Variants in ZNF224 observed in about 807,000 individuals in gnomAD.
ZNF224 encodes the protein bone marrow zinc finger 2.
ZNF224 carries 8 observed loss-of-function variants against 10.5 expected under a neutral mutation model. That is an observed-to-expected ratio of 0.76 (90% CI 0.45 to 1.37). ZNF224 has a LOEUF of 1.37. Among genes scored for constraint, ZNF224 ranks in the 40% most tolerant of loss-of-function variants. The probability of loss-of-function intolerance (pLI) is 0.00; values close to 1 mark genes in which losing one functional copy is unlikely to be tolerated. For missense variants in ZNF224, 754 were observed against 854.0 expected (o/e 0.88, Z 1.46); for synonymous variants, 282 against 287.8 (o/e 0.98, Z 0.20).
At chr19:44,106,034 G>A in intron 5 of ZNF224, 1 of 206,846 alleles carries the variant, frequency 4.8e-6, no homozygotes, top group Middle Eastern at 2.0e-3. Context: ...AGATAGTAGT[G>A]GGATTGCTGG....
chr19:44,106,157 C>A, intron 5 of ZNF224: 1 of 529,118 alleles, frequency 1.9e-6, no homozygotes, highest in Non-Finnish European at 3.3e-6. Context: ...TTCTTCTCAC[C>A]ACACCCATGT....
At chr19:44,101,268 C>G in intron 5 of ZNF224, 43 bp downstream of exon 5, 1 of 1,581,988 alleles carries the variant, frequency 6.3e-7, no homozygotes, top group Non-Finnish European at 8.7e-7. Flanking sequence ...TCTCTTCCAC[C>G]TGTTTCACTT....
chr19:44,097,987 G>A, intron 3 of ZNF224, 99 bp downstream of exon 3: 2 of 1,324,910 alleles, frequency 1.5e-6, no homozygotes, highest in Non-Finnish European at 1.1e-6. Flanking sequence ...GAGAAAAACA[G>A]ACATTTGAGG....
At position 44,107,739 on chromosome 19, in the gene ZNF224, C is replaced by A. The variant is rs1232908163; in HGVS notation, c.1579C>A (p.Leu527Ile). Residue 527 changes from leucine to isoleucine, a missense_variant, in exon 6 of 6, where the codon CTT becomes ATT. Physicochemically the swap from Leu to Ile is conservative, Grantham distance 5 (BLOSUM62 2). Coordinates refer to ENST00000693561, the MANE Select transcript of ZNF224 (RefSeq NM_001321645.3). ...AAAGGGCTACAATAGTAAGTTTAATCTTGATATGCACCAGAAGGTCCACAC... is the reference window on the plus strand; with the variant it reads ...AAAGGGCTACAATAGTAAGTTTAATATTGATATGCACCAGAAGGTCCACAC... Reference protein sequence around the residue: ...CGKGYNSKFNLDMHQKVHTGE... With the variant: ...CGKGYNSKFNIDMHQKVHTGE... 6.2e-7 allele frequency: 1 copy of A among 1,613,744 alleles called. No homozygotes were observed. The highest frequency in any genetic ancestry group is 1.3e-5 in the African/African-American group (1 of 74,822).
rs146839614 is a variant in ZNF224, at chr19:44,107,060, A to G, written c.900A>G (p.Arg300=). ...TATGTGGTAAGAGCTTCTGTGGTAGATCAAGACTTAATAGGCATTCCATGG... is the reference window on the plus strand; with the variant it reads ...TATGTGGTAAGAGCTTCTGTGGTAGGTCAAGACTTAATAGGCATTCCATGG... The part of the protein sequence containing the change: ...CDICGKSFCG[R]SRLNRHSMVH... The change falls in exon 6 of 6, where the codon AGA becomes AGG. Residue 300 remains arginine (R), a synonymous_variant. Coordinates refer to ENST00000693561, the MANE Select transcript of ZNF224 (RefSeq NM_001321645.3). The G allele has an allele frequency of 1.7e-4, 273 of 1,601,770 alleles. 2 individuals carry two copies. In the African/African-American group the frequency reaches 3.3e-3, roughly 20 times the overall value.
At chr19:44,099,714 A>G (rs909664931) in intron 3 of ZNF224, among the ~76,000 whole-genome samples, 1 of 152,066 alleles carries the variant, frequency 6.6e-6, no homozygotes, top group African/African-American at 2.4e-5. Flanking sequence ...GAAAAAAACA[A>G]TTTCTTCCTA....
intron 3 of ZNF224, among the ~76,000 whole-genome samples, chr19:44,098,207 T>C (rs1967479687): frequency 6.6e-6 from 1 of 152,244 alleles, no homozygotes. Flanking sequence ...GTATTTGTAT[T>C]GGTGATGTTA....
intron 5 of ZNF224, 56 bp from the exon 6 acceptor site, chr19:44,106,340 A>C: frequency 6.3e-7 from 1 of 1,580,580 alleles, no homozygotes; most frequent in South Asian, 1.1e-5. Flanking sequence ...TGAAATCTTG[A>C]TAACACTGAA....
chr19:44,108,784 CAT>C lies in ZNF224; in HGVS notation c.*503_*504del, dbSNP rs926530877. 1.6e-5 allele frequency: 8 copies of C among 502,866 alleles called. No homozygotes were observed. The highest frequency in any genetic ancestry group is 3.9e-5 in the African/African-American group (2 of 51,662). 31.2% of individuals were successfully genotyped at this position (502,866 alleles called of 1,614,324 possible). ...TTGTTAAATCAATGAAAGGATAAAA[CAT>C]ATGTATGGATTTGGATACAATTTTG... On this transcript the variant is annotated 3_prime_UTR_variant, in exon 6 of 6. Coordinates refer to ENST00000693561, the MANE Select transcript of ZNF224 (RefSeq NM_001321645.3).
Position 44,097,796 on chromosome 19 carries a change from C to A in ZNF224, c.-68-10C>A. Reference sequence around the variant, plus strand: ...ATGTCTCTTTTTCTGCCTTTCCTGGCACTTTGCAGGCACAATTCTGCTTTC... The same window carrying A: ...ATGTCTCTTTTTCTGCCTTTCCTGGAACTTTGCAGGCACAATTCTGCTTTC... On this transcript the variant is annotated splice_polypyrimidine_tract_variant and intron_variant, in intron 2 of 5. Coordinates refer to ENST00000693561, the MANE Select transcript of ZNF224 (RefSeq NM_001321645.3). 1.3e-6 allele frequency: 2 copies of A among 1,545,984 alleles called. No individual in the cohort carries two copies. The highest frequency in any genetic ancestry group is 1.8e-6 in the Non-Finnish European group (2 of 1,125,856).
rs1355491854 is a variant in ZNF224, at chr19:44,108,002, T to C, written c.1842T>C (p.His614=). Reference sequence around the variant, plus strand: ...GCTGGTCCTCAACTCGTCTGACCCATCAGAGACGCCACAGCAGAGAAACAC... The same window carrying C: ...GCTGGTCCTCAACTCGTCTGACCCACCAGAGACGCCACAGCAGAGAAACAC... ...GFSWSSTRLT[H]QRRHSRETPL... Residue 614 remains histidine, a synonymous_variant, in exon 6 of 6, where the codon CAT becomes CAC. Transcript: ENST00000693561. The C allele has an allele frequency of 1.2e-6, 2 of 1,614,140 alleles. No individual in the cohort carries two copies. The highest frequency in any genetic ancestry group is 8.5e-7 in the Non-Finnish European group (1 of 1,180,026).
rs188489551 is a variant in ZNF224 at position 44,097,824 on chromosome 19, A to G, written c.-50A>G. The G allele has an allele frequency of 1.4e-3, 2,229 of 1,609,264 alleles. 3 individuals are homozygous for G. Among genetic ancestry groups the G allele is most frequent in the Non-Finnish European group, 1.4e-3 (1,685 of 1,177,688 alleles). On this transcript the variant is annotated 5_prime_UTR_variant, in exon 3 of 6. Coordinates refer to ENST00000693561, the MANE Select transcript of ZNF224 (RefSeq NM_001321645.3). ...TTTGCAGGCACAATTCTGCTTTCCC[A>G]GGAACTGCATCACTCAGGACTCTGC...
chr19:44,103,919 G>A lies in ZNF224; in HGVS notation c.236-2477G>A, dbSNP rs78710078. 8.8e-3 allele frequency among the ~76,000 whole-genome samples: 1,335 copies of A among 152,266 alleles called. 23 individuals are homozygous for A. Among genetic ancestry groups the A allele is most frequent in the African/African-American group, 0.031 (1,275 of 41,542 alleles). ...TTAATCAGGCTGGTCACCAACTCCT[G>A]GGCTCAAGCAATCTGCCCGCCTTGG... is the stretch of plus-strand genomic sequence containing the variant. On this transcript the variant is annotated intron_variant, in intron 5 of 5. Transcript: ENST00000693561.
rs1454913260 is a variant in ZNF224 at position 44,107,370 on chromosome 19, G to A, written c.1210G>A (p.Glu404Lys). The A allele has an allele frequency of 1.3e-6, 2 of 1,598,958 alleles. No homozygotes were observed. The highest frequency in any genetic ancestry group is 1.8e-5 in the Admixed American group (1 of 57,124). Residue 404 changes from glutamate to lysine, a missense_variant, in exon 6 of 6, where the codon GAA (glutamate) becomes AAA (lysine). Glu to Lys is a moderately conservative substitution (Grantham distance 56, BLOSUM62 1). Transcript: ENST00000693561. ...HSGEKPFKCE[E>K]CGKGFYTNSQ... ...TGGAGAAAAACCATTCAAATGTGAA[G>A]AATGTGGGAAAGGATTTTACACAAA...
rs1568529738 is a variant in ZNF224 at position 44,100,917 on chromosome 19, G to A, written c.132G>A (p.Leu44=). The A allele has an allele frequency of 1.9e-6, 3 of 1,613,982 alleles. No homozygotes were observed. Among genetic ancestry groups the A allele is most frequent in the Non-Finnish European group, 2.5e-6 (3 of 1,179,924 alleles). ...RDVMLENFRN[L]LSVGHQAFHR... Reference sequence around the variant, plus strand: ...TGATGCTGGAGAACTTCAGGAACCTGCTCTCAGTGGGTGAGGACAGGCACC... The same window carrying A: ...TGATGCTGGAGAACTTCAGGAACCTACTCTCAGTGGGTGAGGACAGGCACC... Residue 44 remains leucine (L), a synonymous_variant, in exon 4 of 6, where the codon CTG becomes CTA. Transcript: ENST00000693561.
rs538128863 is a variant in ZNF224 at position 44,102,047 on chromosome 19, G to C, written c.235+822G>C. Among the ~76,000 whole-genome samples, 7 of 152,238 alleles carry C rather than the reference G, an allele frequency of 4.6e-5. No individual in the cohort carries two copies. In the South Asian group the frequency reaches 1.4e-3, roughly 32 times the overall value. ...AACCTTAATTGCATCTACAACCTCTGTTCCCCTGCTGTATAACAACGTGAT... is the reference window on the plus strand; with the variant it reads ...AACCTTAATTGCATCTACAACCTCTCTTCCCCTGCTGTATAACAACGTGAT... On this transcript the variant is annotated intron_variant, in intron 5 of 5. Coordinates refer to ENST00000693561, the MANE Select transcript of ZNF224 (RefSeq NM_001321645.3).
At chr19:44,101,257 G>A in intron 5 of ZNF224, 32 bp downstream of exon 5, 2 of 1,598,524 alleles carry the variant, frequency 1.3e-6, no homozygotes, top group South Asian at 2.2e-5. Flanking sequence ...ATCCCTGTAT[G>A]TCTCTTCCAC....
intron 1 of ZNF224, chr19:44,094,764 T>C (rs188776563): frequency 6.6e-6 from 1 of 152,426 alleles, no homozygotes; most frequent in East Asian, 1.9e-4. Flanking sequence ...GTTACTGTTC[T>C]TTAAAATGGG....
chr19:44,105,180 G>C (rs78773417), intron 5 of ZNF224, among the ~76,000 whole-genome samples: 8,396 of 152,268 alleles, frequency 0.055, 384 homozygotes, highest in East Asian at 0.18. Context: ...CAGTGACCTA[G>C]TTTTACTCTC....
Sources: allele counts gnomAD v4.1 joint callset (sites outside exome capture counted in the v4.1 genomes callset), GRCh38; gene constraint gnomAD v4.1.1; transcripts MANE v1.5; gene names NCBI Gene and HGNC (gene_info 2026-07-23, HGNC 2026-07-21).